SENP7: variants seen among roughly 807,000 people sequenced by gnomAD.
The protein encoded by SENP7 is SUMO specific peptidase 7, also known as sentrin-specific protease 7.
A neutral mutation model predicts 141.2 loss-of-function variants in SENP7; 64 were observed. The observed-to-expected ratio is 0.45, with a 90% CI of 0.37 to 0.56. SENP7 has a LOEUF of 0.56. SENP7 is among the 20% of genes least tolerant of loss of function. The pLI, the probability that SENP7 is intolerant of heterozygous loss-of-function variation, is 0.00. For missense variants in SENP7, 1,025 were observed against 1,212.2 expected, an observed-to-expected ratio of 0.85 and a Z score of 2.29; for synonymous variants, 382 against 426.4, an observed-to-expected ratio of 0.90 and a Z score of 1.28.
At chr3:101,383,100 A>C (rs537114445) in intron 6 of SENP7, among the ~76,000 whole-genome samples, 1 of 152,302 alleles carries the variant, frequency 6.6e-6, no homozygotes, top group South Asian at 2.1e-4. Context: ...CTATATCCCC[A>C]TGCTAGAGGT....
chr3:101,350,451 G>A (rs1384852391), intron 12 of SENP7, among the ~76,000 whole-genome samples: 1 of 151,928 alleles, frequency 6.6e-6, no homozygotes, highest in Non-Finnish European at 1.5e-5. Flanking sequence ...AAAGATTTAT[G>A]GGAACTTGGA....
intron 5 of SENP7, among the ~76,000 whole-genome samples, chr3:101,406,589 A>G (rs1265143932): frequency 6.6e-6 from 1 of 152,112 alleles, no homozygotes; most frequent in East Asian, 1.9e-4. Flanking sequence ...AAAAAAAAAA[A>G]AAGAATAATA....
chr3:101,432,951 A>T (rs999958956), intron 4 of SENP7, among the ~76,000 whole-genome samples: 1 of 152,216 alleles, frequency 6.6e-6, no homozygotes, highest in Non-Finnish European at 1.5e-5. Flanking sequence ...TACATAGAAA[A>T]AGAAAGAATA....
chr3:101,337,676 A>G, intron 16 of SENP7, 45 bp from the exon 17 acceptor site: 2 of 1,453,886 alleles, frequency 1.4e-6, no homozygotes, highest in Non-Finnish European at 1.8e-6. Flanking sequence ...TTTAGATTTT[A>G]CTTGGTCGTC....
chr3:101,402,158 T>A (rs920996938), intron 5 of SENP7, among the ~76,000 whole-genome samples: 2 of 152,148 alleles, frequency 1.3e-5, no homozygotes, highest in Non-Finnish European at 2.9e-5. Flanking sequence ...AGATGAAAGA[T>A]CCTTCTATTG....
intron 3 of SENP7, among the ~76,000 whole-genome samples, chr3:101,488,898 G>C (rs1272676887): frequency 1.3e-5 from 2 of 152,110 alleles, no homozygotes; most frequent in African/African-American, 4.8e-5. Context: ...AAATCTTAAA[G>C]GCAGCTAGAG....
rs1179369714 is a variant in SENP7, at chr3:101,362,457, C to T, written c.1477-596G>A. ...TCCATTAACCAAAATAATGTTCTTG[C>T]TACTGCACTTTAAAATTTTTTTATT... On this transcript the variant is annotated intron_variant, in intron 10 of 23. Coordinates refer to ENST00000394095, the MANE Select transcript of SENP7 (RefSeq NM_020654.5). Among the ~76,000 whole-genome samples the T allele has an allele frequency of 2.6e-5, 4 of 152,126 alleles. No individual in the cohort carries two copies. The East Asian group carries it at 7.7e-4, about 29-fold the overall frequency.
chr3:101,449,372 G>A (rs947560008), intron 4 of SENP7, among the ~76,000 whole-genome samples: 21 of 152,030 alleles, frequency 1.4e-4, no homozygotes, highest in Non-Finnish European at 8.8e-5. Context: ...TACAGAGAAC[G>A]CCACAAAGAT....
At position 101,463,360 on chromosome 3, in the gene SENP7, AATAAATATAT is replaced by A. The variant is rs1402883189; in HGVS notation, c.187-4318_187-4309del. On this transcript the variant is annotated intron_variant, in intron 3 of 23. Transcript: ENST00000394095. Reference sequence around the variant, plus strand: ...CAAAACCATGTATCATAAATAAATAAATAAATATATATATATATATATATATATATATATA... The same window carrying A: ...CAAAACCATGTATCATAAATAAATAAATATATATATATATATATATATATA... Among the ~76,000 whole-genome samples, 218 of 46,952 alleles carry A rather than the reference AATAAATATAT, an allele frequency of 4.6e-3. 1 individual carries two copies. Among genetic ancestry groups the A allele is most frequent in the African/African-American group, 0.016 (202 of 12,948 alleles). 30.8% of individuals were successfully genotyped at this position (46,952 alleles called of 152,430 possible). A position where few individuals can be genotyped will look rare whatever the true frequency, so the allele number is the denominator to read the frequency against.
chr3:101,496,637 G>A (rs1261905539), intron 2 of SENP7, among the ~76,000 whole-genome samples: 1 of 147,746 alleles, frequency 6.8e-6, no homozygotes, highest in Admixed American at 6.9e-5. Flanking sequence ...AAAGTGCAGT[G>A]GCACAACCTC....
In SENP7 at chr3:101,341,655, A is replaced by G; in HGVS notation, c.2231T>C (p.Leu744Pro). 6.2e-7 allele frequency: 1 copy of G among 1,603,854 alleles called. No homozygotes were observed. Among genetic ancestry groups the G allele is most frequent in the Non-Finnish European group, 8.5e-7 (1 of 1,172,686 alleles). ...EEWREVRHTG[L>P]VQKLIVYPPP... ...CTATGACAGTACATACTTCTGAACA[A>G]GTCCAGTGTGCCTGACTTCTCGCCA... Residue 744 changes from leucine to proline, a missense_variant, in exon 15 of 24, where the codon CTT becomes CCT. Coordinates refer to ENST00000394095, the MANE Select transcript of SENP7 (RefSeq NM_020654.5).
chr3:101,469,434 A>T (rs1252517263), intron 3 of SENP7, among the ~76,000 whole-genome samples: 1 of 152,082 alleles, frequency 6.6e-6, no homozygotes, highest in Non-Finnish European at 1.5e-5. Flanking sequence ...TTCCACCCCA[A>T]ATCAACAGAA....
intron 1 of SENP7, among the ~76,000 whole-genome samples, chr3:101,511,196 T>C (rs2065843664): frequency 1.3e-5 from 2 of 152,186 alleles, no homozygotes; most frequent in Admixed American, 1.3e-4. Flanking sequence ...TAAATATCAA[T>C]GTCTTTTAAG....
chr3:101,449,964 A>C (rs1363503145), intron 4 of SENP7, among the ~76,000 whole-genome samples: 1 of 152,166 alleles, frequency 6.6e-6, no homozygotes, highest in Non-Finnish European at 1.5e-5. Context: ...TATTCAGGAA[A>C]CCCATTTCAC....
At chr3:101,485,985 C>A (rs946276930) in intron 3 of SENP7, among the ~76,000 whole-genome samples, 3 of 152,042 alleles carry the variant, frequency 2.0e-5, no homozygotes, top group Admixed American at 1.3e-4. Context: ...AAAGTCTCAG[C>A]AATAGAATTA....
intron 4 of SENP7, among the ~76,000 whole-genome samples, chr3:101,443,015 G>A (rs1469933285): frequency 6.6e-6 from 1 of 152,188 alleles, no homozygotes; most frequent in East Asian, 1.9e-4. Flanking sequence ...TAGACACGAA[G>A]TCCCTGCCCA....
At chr3:101,343,989 T>C in intron 13 of SENP7, 35 bp from the exon 14 acceptor site, 1 of 1,333,224 alleles carries the variant, frequency 7.5e-7, no homozygotes, top group Non-Finnish European at 1.0e-6. Flanking sequence ...ATCAATAGTA[T>C]TATTTTTCAA....
At position 101,493,794 on chromosome 3, in the gene SENP7, A is replaced by T. The variant is rs147207628; in HGVS notation, c.186+79T>A. On this transcript the variant is annotated intron_variant, in intron 3 of 23. Coordinates refer to ENST00000394095, the MANE Select transcript of SENP7 (RefSeq NM_020654.5). ...CCAAAAAAGGGACATATCAGAAAAT[A>T]AACATTCAGTTTTATTACAATATTT... 429 of 847,298 alleles carry T rather than the reference A, an allele frequency of 5.1e-4. 1 individual carries two copies. Among genetic ancestry groups the T allele is most frequent in the Non-Finnish European group, 6.8e-4 (379 of 554,800 alleles). The allele number at this position is 847,298 out of a possible 1,614,324, so 52.5% of individuals were successfully genotyped here. A position where few individuals can be genotyped will look rare whatever the true frequency, so the allele number is the denominator to read the frequency against.
chr3:101,498,757 A>G (rs1423898053), intron 2 of SENP7, among the ~76,000 whole-genome samples: 1 of 152,062 alleles, frequency 6.6e-6, no homozygotes, highest in African/African-American at 2.4e-5. Flanking sequence ...AGCACGGGAG[A>G]ATTAGGGCCT....
Sources: allele counts gnomAD v4.1 joint callset (sites outside exome capture counted in the v4.1 genomes callset), GRCh38; gene constraint gnomAD v4.1.1; transcripts MANE v1.5; gene names NCBI Gene and HGNC (gene_info 2026-07-23, HGNC 2026-07-21).